MEF2C: variants seen among roughly 807,000 people sequenced by gnomAD.
The protein encoded by MEF2C is myocyte enhancer factor 2C, also known as myocyte-specific enhancer factor 2C.
Under a neutral mutation model 50.5 loss-of-function variants are expected in MEF2C, and 6 were observed. The ratio of observed to expected loss-of-function variants is 0.12; its 90% CI spans 0.07 to 0.23. The LOEUF (loss-of-function observed/expected upper bound fraction) is 0.23. Among genes scored for constraint, MEF2C ranks in the 10% least tolerant of loss-of-function variants. MEF2C has a pLI of 1.00. For synonymous variants in MEF2C, 183 were observed against 228.0 expected, an observed-to-expected ratio of 0.80 and a Z score of 1.78; for missense variants, 276 against 605.0, an observed-to-expected ratio of 0.46 and a Z score of 5.70.
At chr5:88,740,532 C>T in intron 6 of MEF2C, 14 of 982,532 alleles carry the variant, frequency 1.4e-5, no homozygotes, top group Non-Finnish European at 1.7e-5. Context: ...TGACTGAGAT[C>T]ACCCTGTCAG....
At chr5:88,874,358 A>G (rs1419315558) in intron 1 of MEF2C, among the ~76,000 whole-genome samples, 1 of 151,994 alleles carries the variant, frequency 6.6e-6, no homozygotes, top group African/African-American at 2.4e-5. Context: ...AAAATAAAGA[A>G]ATCTCTTACA....
At chr5:88,869,280 T>TATATATATATATACATATATATATAC (rs1828585040) in intron 1 of MEF2C, among the ~76,000 whole-genome samples, 1 of 73,946 alleles carries the variant, frequency 1.4e-5, no homozygotes, top group Non-Finnish European at 2.4e-5. Flanking sequence ...TATATATACA[T>TATATATATATATACATATATATATAC]ATATATATAT....
At chr5:88,818,162 T>C (rs1280943919) in intron 2 of MEF2C, among the ~76,000 whole-genome samples, 1 of 151,962 alleles carries the variant, frequency 6.6e-6, no homozygotes, top group African/African-American at 2.4e-5. Flanking sequence ...CCTGATTTGA[T>C]CACTATACAT....
chr5:88,794,359 T>G (rs955525023), intron 3 of MEF2C, among the ~76,000 whole-genome samples: 6 of 152,256 alleles, frequency 3.9e-5, no homozygotes, highest in Non-Finnish European at 8.8e-5. Context: ...AGATGTTATC[T>G]CATTGTGCTT....
At chr5:88,769,967 G>C in intron 3 of MEF2C, 1 of 985,162 alleles carries the variant, frequency 1.0e-6, no homozygotes, top group Non-Finnish European at 1.2e-6. Flanking sequence ...TCTTTATAAT[G>C]CAAGTTAAGA....
At chr5:88,740,080 C>G (rs997463024) in intron 6 of MEF2C, 1 of 985,150 alleles carries the variant, frequency 1.0e-6, no homozygotes, top group East Asian at 1.1e-4. Flanking sequence ...CTATTCTTGG[C>G]CATACCAGTT....
chr5:88,816,743 A>C (rs1158795051), intron 2 of MEF2C, among the ~76,000 whole-genome samples: 1 of 151,860 alleles, frequency 6.6e-6, no homozygotes, highest in East Asian at 1.9e-4. Context: ...ACACACCCTT[A>C]TTTTATTTAT....
At chr5:88,742,058 T>C in intron 6 of MEF2C, 3 of 985,410 alleles carry the variant, frequency 3.0e-6, no homozygotes, top group Admixed American at 6.1e-5. Context: ...ATTTAAGTGA[T>C]TGGCAAAGGT....
intron 3 of MEF2C, chr5:88,768,611 G>T: frequency 1.2e-6 from 1 of 851,236 alleles, no homozygotes; most frequent in Non-Finnish European, 1.4e-6. Context: ...ACAAGGCCTG[G>T]CAAGTGGTCG....
chr5:88,870,125 A>C (rs1167783928), intron 1 of MEF2C, among the ~76,000 whole-genome samples: 2 of 152,030 alleles, frequency 1.3e-5, no homozygotes, highest in Non-Finnish European at 2.9e-5. Flanking sequence ...GAAATTTAAT[A>C]ATTTTATCTA....
chr5:88,758,875 C>A (rs146668697), intron 4 of MEF2C, among the ~76,000 whole-genome samples: 2 of 152,264 alleles, frequency 1.3e-5, no homozygotes, highest in East Asian at 3.9e-4. Context: ...GAACTCTTTA[C>A]GTAACAGGCT....
intron 6 of MEF2C, chr5:88,743,296 TA>T: frequency 1.0e-6 from 1 of 985,278 alleles, no homozygotes; most frequent in Non-Finnish European, 1.2e-6. Context: ...CTTTTTAAAC[TA>T]AATTTTTAAC....
chr5:88,748,209 C>T (rs1770852570), intron 6 of MEF2C: 1 of 982,832 alleles, frequency 1.0e-6, no homozygotes, highest in Non-Finnish European at 1.2e-6. Flanking sequence ...CTACTTGACC[C>T]TGGCAAAATA....
chr5:88,887,139 AAC>A (rs1173044373), upstream of MEF2C, among the ~76,000 whole-genome samples: 1 of 152,256 alleles, frequency 6.6e-6, no homozygotes. Flanking sequence ...GAATACTTTT[AAC>A]ACAAACATGA....
At chr5:88,742,134 G>C (rs750809279) in intron 6 of MEF2C, 149 of 985,146 alleles carry the variant, frequency 1.5e-4, no homozygotes, top group Non-Finnish European at 1.7e-4. Context: ...GAAAGTCCCT[G>C]GTAAGTAAAA....
intron 6 of MEF2C, chr5:88,734,313 A>T (rs1242931464): frequency 1.0e-6 from 1 of 985,294 alleles, no homozygotes; most frequent in Non-Finnish European, 1.2e-6. Flanking sequence ...ATAAACAATC[A>T]AATGGAAAAT....
chr5:88,756,525 C>G (rs1213843886), intron 4 of MEF2C, among the ~76,000 whole-genome samples: 1 of 152,160 alleles, frequency 6.6e-6, no homozygotes, highest in African/African-American at 2.4e-5. Context: ...TAAACACTAG[C>G]CTTTCTATCA....
intron 4 of MEF2C, among the ~76,000 whole-genome samples, chr5:88,754,615 G>A (rs1283405435): frequency 2.0e-5 from 3 of 152,158 alleles, no homozygotes; most frequent in Non-Finnish European, 4.4e-5. Context: ...AAAATGACTG[G>A]AGGGTGTGAC....
intron 3 of MEF2C, among the ~76,000 whole-genome samples, chr5:88,803,398 A>T (rs1331187993): frequency 1.3e-5 from 2 of 152,216 alleles, no homozygotes; most frequent in Non-Finnish European, 2.9e-5. Context: ...CAATTGTAAC[A>T]GGTAAAAGGG....
Sources: gnomAD v4.1 joint callset for allele counts (sites outside exome capture counted in the v4.1 genomes callset) on GRCh38, gnomAD v4.1.1 for gene constraint, MANE v1.5 for transcripts, NCBI Gene and HGNC (gene_info 2026-07-23, HGNC 2026-07-21) for gene names.